The following RASA2 variants were observed in gnomAD, a reference collection of about 807,000 sequenced individuals.
The protein encoded by RASA2 is RAS p21 protein activator 2, also known as ras GTPase-activating protein 2.
RASA2 carries 155 observed loss-of-function variants against 118.2 expected under a neutral mutation model. That is an observed-to-expected ratio of 1.31 (90% CI 1.15 to 1.50). The LOEUF (loss-of-function observed/expected upper bound fraction) is 1.50, where lower values mean the gene tolerates loss of function less well. Among genes scored for constraint, RASA2 ranks in the 40% most tolerant of loss-of-function variants. The probability of loss-of-function intolerance (pLI) is 0.00; values close to 1 mark genes in which losing one functional copy is unlikely to be tolerated. For missense variants in RASA2, 1,016 were observed against 1,009.6 expected (o/e 1.01, Z -0.09); for synonymous variants, 353 against 349.1 (o/e 1.01, Z -0.12).
rs573578513 is a variant in RASA2 at position 141,556,557 on chromosome 3, C to G, written c.684+645C>G. On this transcript the variant is annotated intron_variant, in intron 7 of 23. Coordinates refer to ENST00000286364, the MANE Select transcript of RASA2 (RefSeq NM_006506.5). ...AGCTGCCTTGAAGTTGTCCCAAATA[C>G]AGTTTGGACAAAAGCTTTGGAGTGC... is the stretch of plus-strand genomic sequence containing the variant. Among the ~76,000 whole-genome samples, 8 of 151,962 alleles carry G rather than the reference C, an allele frequency of 5.3e-5. No individual in the cohort carries two copies. The South Asian group carries it at 1.7e-3, about 32-fold the overall frequency.
chr3:141,512,237 C>A lies in RASA2; in HGVS notation c.208C>A (p.Gln70Lys). Reference sequence around the variant, plus strand: ...TTGTTTCTGTACCATAAATTTGGACCAGGAAGAAGTTTATCGTACCCAAGT... The same window carrying A: ...TTGTTTCTGTACCATAAATTTGGACAAGGAAGAAGTTTATCGTACCCAAGT... Reference protein sequence around the residue: ...RDCFCTINLDQEEVYRTQVVE... With the variant: ...RDCFCTINLDKEEVYRTQVVE... Residue 70 changes from glutamine to lysine, a missense_variant, in exon 2 of 24, where the codon CAG becomes AAG. By Grantham distance (53) the Gln-to-Lys change is moderately conservative. Around this residue, in one of 2 missense-constraint regions of RASA2, gnomAD observed 896 missense variants for 836.4 expected, o/e 1.07. Coordinates refer to ENST00000286364, the MANE Select transcript of RASA2 (RefSeq NM_006506.5). 6.3e-7 allele frequency: 1 copy of A among 1,593,566 alleles called. No homozygotes were observed. Among genetic ancestry groups the A allele is most frequent in the East Asian group, 2.2e-5 (1 of 44,480 alleles).
chr3:141,596,106 A>G (rs2083362283), intron 19 of RASA2, among the ~76,000 whole-genome samples: 1 of 152,194 alleles, frequency 6.6e-6, no homozygotes, highest in South Asian at 2.1e-4. Context: ...ACATTCAGTA[A>G]AATAGGCCGC....
At chr3:141,507,789 C>A (rs1400777956) in intron 1 of RASA2, among the ~76,000 whole-genome samples, 1 of 152,216 alleles carries the variant, frequency 6.6e-6, no homozygotes, top group Non-Finnish European at 1.5e-5. Context: ...CAAACTCAAC[C>A]TCCCTTCTCT....
chr3:141,497,178 G>C (rs1329029945), intron 1 of RASA2, among the ~76,000 whole-genome samples: 27 of 107,902 alleles, frequency 2.5e-4, no homozygotes, highest in Admixed American at 3.8e-4. Context: ...GGTGGGGGGA[G>C]AGGGGAGGGG....
At chr3:141,586,507 A>G (rs534066363) in intron 18 of RASA2, 139 bp from the exon 19 acceptor site, 19 of 565,726 alleles carry the variant, frequency 3.4e-5, no homozygotes, top group Non-Finnish European at 5.4e-5. Context: ...TGCAACAGTC[A>G]TGGATAGCAA....
intron 1 of RASA2, among the ~76,000 whole-genome samples, chr3:141,509,107 T>C (rs2081911883): frequency 6.6e-6 from 1 of 152,238 alleles, no homozygotes; most frequent in African/African-American, 2.4e-5. Flanking sequence ...AGTTACAGTA[T>C]CTGACTTAAC....
At chr3:141,505,647 T>G (rs1395846898) in intron 1 of RASA2, among the ~76,000 whole-genome samples, 3 of 152,030 alleles carry the variant, frequency 2.0e-5, no homozygotes, top group African/African-American at 7.2e-5. Context: ...GGATGGAGGG[T>G]TTTTGTGCCA....
chr3:141,500,084 T>C (rs1329883304), intron 1 of RASA2, among the ~76,000 whole-genome samples: 1 of 152,256 alleles, frequency 6.6e-6, no homozygotes, highest in African/African-American at 2.4e-5. Context: ...TTGGTACTAT[T>C]TCTCATTCTC....
intron 14 of RASA2, among the ~76,000 whole-genome samples, chr3:141,574,989 A>G (rs551694182): frequency 6.6e-6 from 1 of 152,330 alleles, no homozygotes; most frequent in African/African-American, 2.4e-5. Context: ...CATAAAATTA[A>G]GTGTTACTGT....
chr3:141,570,737 A>G (rs193268992), intron 9 of RASA2, among the ~76,000 whole-genome samples, 175 bp from the exon 10 acceptor site: 266 of 152,330 alleles, frequency 1.7e-3, no homozygotes, highest in Non-Finnish European at 3.2e-3. Flanking sequence ...TTGTAATCCA[A>G]TGTATAACCA....
chr3:141,599,067 G>A (rs893063300), intron 19 of RASA2, among the ~76,000 whole-genome samples: 8 of 151,996 alleles, frequency 5.3e-5, no homozygotes, highest in South Asian at 2.1e-4. Flanking sequence ...CAGCCCCGGC[G>A]ACAGAGCGAG....
chr3:141,518,482 CAAAAAAAAAAAAAAAA>C (rs777543417), intron 3 of RASA2, among the ~76,000 whole-genome samples: 12 of 27,048 alleles, frequency 4.4e-4, no homozygotes, highest in East Asian at 3.1e-3. Context: ...GACACCATCT[CAAAAAAAAAAAAAAAA>C]AAAAAAAAAA....
chr3:141,506,915 CA>C (rs59123792), intron 1 of RASA2, among the ~76,000 whole-genome samples: 31,265 of 89,506 alleles, frequency 0.35, 3,099 homozygotes, highest in Middle Eastern at 0.44. Flanking sequence ...GACCCTGTCT[CA>C]AAAAAAAAAA....
intron 5 of RASA2, among the ~76,000 whole-genome samples, chr3:141,552,975 A>G (rs1354812989): frequency 6.6e-6 from 1 of 152,216 alleles, no homozygotes; most frequent in East Asian, 1.9e-4. Flanking sequence ...GGAGGAACAA[A>G]TCACTAAAGT....
rs140085088 is a variant in RASA2 at position 141,587,533 on chromosome 3, A to G, written c.1933+781A>G. Among the ~76,000 whole-genome samples, 8 of 152,174 alleles carry G rather than the reference A, an allele frequency of 5.3e-5. No homozygotes were observed. In the East Asian group the frequency reaches 1.4e-3, roughly 26 times the overall value. Reference sequence around the variant, plus strand: ...TTGAGACCAGCCTGACCAACATGGCAAAACCCCATCTCTACTAAAAGTACA... The same window carrying G: ...TTGAGACCAGCCTGACCAACATGGCGAAACCCCATCTCTACTAAAAGTACA... On this transcript the variant is annotated intron_variant, in intron 19 of 23. Transcript: ENST00000286364.
intron 17 of RASA2, among the ~76,000 whole-genome samples, chr3:141,583,604 A>G (rs2083151388): frequency 6.6e-6 from 1 of 152,124 alleles, no homozygotes. Flanking sequence ...TTGTACCCAC[A>G]TTACCCACAT....
rs1447663870 is a variant in RASA2 at position 141,572,049 on chromosome 3, TATATATATATATAC to T, written c.1169+497_1169+510del. 1.7e-3 allele frequency among the ~76,000 whole-genome samples: 241 copies of T among 140,352 alleles called. 1 individual carries two copies. The highest frequency in any genetic ancestry group is 6.4e-3 in the African/African-American group (229 of 35,534). The allele number at this position is 140,352 out of a possible 152,430, so 92.1% of individuals were successfully genotyped here. On this transcript the variant is annotated intron_variant, in intron 11 of 23. Coordinates refer to ENST00000286364, the MANE Select transcript of RASA2 (RefSeq NM_006506.5). ...AAAAACATATATATATATATATATATATATATATATATACACACACACACACACATATGTATTGA... is the reference window on the plus strand; with the variant it reads ...AAAAACATATATATATATATATATATACACACACACACACATATGTATTGA...
chr3:141,532,212 C>A (rs1188794026), intron 4 of RASA2, among the ~76,000 whole-genome samples: 1 of 152,078 alleles, frequency 6.6e-6, no homozygotes, highest in Non-Finnish European at 1.5e-5. Context: ...AGTCACAGAA[C>A]TACTAAGTAG....
chr3:141,567,315 C>G (rs1367392583), intron 9 of RASA2, among the ~76,000 whole-genome samples: 1 of 152,030 alleles, frequency 6.6e-6, no homozygotes, highest in African/African-American at 2.4e-5. Context: ...ACTCGGGAGG[C>G]TGAGGCGGGA....
Sources: gnomAD v4.1 joint callset for allele counts (sites outside exome capture counted in the v4.1 genomes callset) on GRCh38, gnomAD v4.1.1 for gene constraint, gnomAD v4.1.1 regional missense constraint, MANE v1.5 for transcripts, NCBI Gene and HGNC (gene_info 2026-07-23, HGNC 2026-07-21) for gene names.